TPD52: variants seen among roughly 807,000 people sequenced by gnomAD.
The protein encoded by TPD52 is prostate and colon associated protein.
Under a neutral mutation model 31.3 loss-of-function variants are expected in TPD52, and 17 were observed. The ratio of observed to expected loss-of-function variants is 0.54; its 90% CI spans 0.37 to 0.82. The LOEUF is 0.82. TPD52 is among the 40% of genes least tolerant of loss of function. The pLI is 0.00. For synonymous variants in TPD52, 83 were observed against 89.6 expected, an observed-to-expected ratio of 0.93 and a Z score of 0.42; for missense variants, 212 against 240.1, an observed-to-expected ratio of 0.88 and a Z score of 0.77.
At position 80,034,896 on chromosome 8, in the gene TPD52, G is replaced by C. The variant is rs1003734006; in HGVS notation, c.*3220C>G. The C allele has an allele frequency of 6.6e-6, 1 of 152,210 alleles. No individual in the cohort carries two copies. Among genetic ancestry groups the C allele is most frequent in the Non-Finnish European group, 1.5e-5 (1 of 68,042 alleles). The allele number at this position is 152,210 out of a possible 1,614,324, so 9.4% of individuals were successfully genotyped here. A position where few individuals can be genotyped will look rare whatever the true frequency, so the allele number is the denominator to read the frequency against. On this transcript the variant is annotated 3_prime_UTR_variant, in exon 8 of 8. Coordinates refer to ENST00000518937, the MANE Select transcript of TPD52 (RefSeq NM_001025253.3). ...TAGTTGCCAAATAGCATTTATTTGA[G>C]TACAAAATCCTGGCAGGCAAAAGCA... is the stretch of plus-strand genomic sequence containing the variant.
At chr8:80,107,093 C>T (rs759222664) in intron 1 of TPD52, among the ~76,000 whole-genome samples, 10 of 152,056 alleles carry the variant, frequency 6.6e-5, no homozygotes, top group Non-Finnish European at 1.5e-4. Flanking sequence ...CCTCGTGATC[C>T]GCCCACCTCA....
chr8:80,048,726 T>C (rs1811101125), intron 5 of TPD52, among the ~76,000 whole-genome samples: 1 of 152,244 alleles, frequency 6.6e-6, no homozygotes, highest in Admixed American at 6.5e-5. Flanking sequence ...TTTAAATGCC[T>C]TTACCTAACC....
intron 1 of TPD52, among the ~76,000 whole-genome samples, chr8:80,097,784 T>A (rs1202552173): frequency 6.6e-6 from 1 of 152,180 alleles, no homozygotes; most frequent in Non-Finnish European, 1.5e-5. Context: ...AACAACAGAT[T>A]GTCTATGTAA....
chr8:80,058,816 A>G (rs992185833), intron 2 of TPD52, among the ~76,000 whole-genome samples: 1 of 152,122 alleles, frequency 6.6e-6, no homozygotes, highest in Non-Finnish European at 1.5e-5. Context: ...ACAAAACAAA[A>G]CAAAAAAACA....
intron 7 of TPD52, among the ~76,000 whole-genome samples, chr8:80,041,348 A>G (rs1810365465): frequency 6.6e-6 from 1 of 152,250 alleles, no homozygotes; most frequent in South Asian, 2.1e-4. Flanking sequence ...ATTTCAATAA[A>G]TGTACCCTGC....
chr8:80,100,247 G>A (rs1233132003), intron 1 of TPD52, among the ~76,000 whole-genome samples: 25 of 152,154 alleles, frequency 1.6e-4, no homozygotes, highest in Admixed American at 1.5e-3. Flanking sequence ...ATAAACCAAA[G>A]TAATATCTTA....
At chr8:80,123,658 G>A (rs1269788740) in intron 1 of TPD52, among the ~76,000 whole-genome samples, 1 of 152,226 alleles carries the variant, frequency 6.6e-6, no homozygotes, top group African/African-American at 2.4e-5. Context: ...TTCTGATGCT[G>A]GCGGGAATAA....
chr8:80,165,998 AATAC>A (rs1237122194), intron 1 of TPD52, among the ~76,000 whole-genome samples: 1 of 152,142 alleles, frequency 6.6e-6, no homozygotes, highest in Non-Finnish European at 1.5e-5. Flanking sequence ...TCTATAAATA[AATAC>A]ATACAAATGG....
downstream of TPD52, among the ~76,000 whole-genome samples, chr8:80,032,532 C>A (rs1018384150): frequency 1.3e-5 from 2 of 152,152 alleles, no homozygotes; most frequent in Non-Finnish European, 2.9e-5. Context: ...AGTGAGACCC[C>A]CACCTCAAAA....
chr8:80,085,284 G>A (rs749635294), intron 1 of TPD52, among the ~76,000 whole-genome samples: 11 of 152,172 alleles, frequency 7.2e-5, no homozygotes, highest in Non-Finnish European at 1.0e-4. Flanking sequence ...GGTAATAACC[G>A]GAGACGACTC....
chr8:80,084,970 G>A (rs1448604603), intron 1 of TPD52, among the ~76,000 whole-genome samples: 6 of 152,086 alleles, frequency 3.9e-5, no homozygotes, highest in African/African-American at 1.4e-4. Flanking sequence ...GAACATTCAG[G>A]TAATAGAAAA....
chr8:80,095,428 T>C (rs775054219), intron 1 of TPD52, among the ~76,000 whole-genome samples: 3 of 152,180 alleles, frequency 2.0e-5, no homozygotes, highest in Non-Finnish European at 4.4e-5. Flanking sequence ...AAGTATTCTG[T>C]ATGATACTGC....
chr8:80,043,894 G>A (rs1810598130), intron 6 of TPD52, among the ~76,000 whole-genome samples: 1 of 152,152 alleles, frequency 6.6e-6, no homozygotes, highest in Non-Finnish European at 1.5e-5. Context: ...AACAAGTAGT[G>A]CTCACTTTGT....
chr8:80,061,157 G>A (rs1812476266), intron 2 of TPD52, among the ~76,000 whole-genome samples: 1 of 106,006 alleles, frequency 9.4e-6, no homozygotes, highest in South Asian at 3.4e-4. Context: ...CCTGAGGTTG[G>A]GAGTTCACAA....
chr8:80,052,714 T>TG, intron 3 of TPD52: 3 of 1,276,468 alleles, frequency 2.4e-6, no homozygotes, highest in Non-Finnish European at 3.1e-6. Context: ...GATAATGCTA[T>TG]ATCATAGCAT....
At chr8:80,130,401 T>TG (rs1808939188) in intron 1 of TPD52, among the ~76,000 whole-genome samples, 1 of 152,192 alleles carries the variant, frequency 6.6e-6, no homozygotes, top group African/African-American at 2.4e-5. Flanking sequence ...TACTCCTAAA[T>TG]GTAGCAGATT....
intron 2 of TPD52, 115 bp from the exon 3 acceptor site, chr8:80,053,545 A>C: frequency 8.9e-7 from 1 of 1,127,006 alleles, no homozygotes; most frequent in Non-Finnish European, 1.3e-6. Flanking sequence ...TGAATCATTT[A>C]TCTTTCTCTC....
intron 1 of TPD52, among the ~76,000 whole-genome samples, chr8:80,113,769 C>T (rs948939876): frequency 2.0e-5 from 3 of 152,066 alleles, no homozygotes; most frequent in African/African-American, 7.2e-5. Context: ...TATTCTATAT[C>T]CTCAAAAGGC....
intron 2 of TPD52, among the ~76,000 whole-genome samples, chr8:80,059,726 T>C (rs987704138): frequency 2.7e-5 from 4 of 145,620 alleles, no homozygotes; most frequent in East Asian, 2.1e-4. Context: ...TGGTGGCACG[T>C]GCCTGTAATC....
Sources: allele counts gnomAD v4.1 joint callset (sites outside exome capture counted in the v4.1 genomes callset), GRCh38; gene constraint gnomAD v4.1.1; transcripts MANE v1.5; gene names NCBI Gene and HGNC (gene_info 2026-07-23, HGNC 2026-07-21).